Variants in SGCZ observed in about 807,000 individuals in gnomAD.
The protein encoded by SGCZ is zeta-sarcoglycan.
In SGCZ, 40 loss-of-function variants were observed where a neutral mutation model predicts 41.3. The observed-to-expected ratio is 0.97, with a 90% CI of 0.75 to 1.26. The LOEUF is 1.26. Ranked by LOEUF, SGCZ falls within the 50% of genes most tolerant of loss-of-function variation. The pLI is 0.00. For missense variants in SGCZ, 552 were observed against 369.8 expected, an observed-to-expected ratio of 1.49 and a Z score of -4.04; for synonymous variants, 206 against 137.5, an observed-to-expected ratio of 1.50 and a Z score of -3.49.
chr8:14,207,882 A>G (rs1185218621), intron 4 of SGCZ, among the ~76,000 whole-genome samples: 1 of 151,920 alleles, frequency 6.6e-6, no homozygotes. Context: ...ATCTGATCAT[A>G]TGGCTACTGG....
At chr8:14,525,798 A>G (rs1023096345) in intron 2 of SGCZ, among the ~76,000 whole-genome samples, 2 of 152,164 alleles carry the variant, frequency 1.3e-5, no homozygotes, top group Admixed American at 6.6e-5. Flanking sequence ...TGTAGGAGCT[A>G]GCCAGACAGG....
At chr8:14,240,394 G>A (rs536133080) in intron 3 of SGCZ, among the ~76,000 whole-genome samples, 6 of 143,810 alleles carry the variant, frequency 4.2e-5, no homozygotes, top group African/African-American at 1.0e-4. Flanking sequence ...CCGCATCTTT[G>A]TTTGCAACAT....
At chr8:14,838,879 C>A (rs11780862) in intron 1 of SGCZ, among the ~76,000 whole-genome samples, 326 of 151,986 alleles carry the variant, frequency 2.1e-3, no homozygotes, top group Non-Finnish European at 3.6e-3. Flanking sequence ...GTCAGCATAG[C>A]GGGAACAGGG....
At chr8:14,438,529 T>G (rs1800156158) in intron 2 of SGCZ, among the ~76,000 whole-genome samples, 1 of 151,980 alleles carries the variant, frequency 6.6e-6, no homozygotes, top group African/African-American at 2.4e-5. Flanking sequence ...TTGTACATGC[T>G]TGGAGAACCT....
chr8:14,878,198 CTTTTTTTT>C (rs540663370), intron 1 of SGCZ, among the ~76,000 whole-genome samples: 1 of 141,836 alleles, frequency 7.1e-6, no homozygotes, highest in South Asian at 2.2e-4. Context: ...TTCTTTTTTT[CTTTTTTTT>C]TTTTTCCATT....
chr8:14,834,868 G>A (rs899072384), intron 1 of SGCZ, among the ~76,000 whole-genome samples: 11 of 152,108 alleles, frequency 7.2e-5, no homozygotes, highest in African/African-American at 2.7e-4. Flanking sequence ...TCTCTCCCAG[G>A]ACCCTCACTT....
Position 14,768,330 on chromosome 8 carries a change from G to A in SGCZ, c.40-213404C>T, listed in dbSNP as rs1800110066. Among the ~76,000 whole-genome samples the A allele has an allele frequency of 1.3e-5, 2 of 152,166 alleles. 1 individual carries two copies. The highest frequency in any genetic ancestry group is 4.1e-4 in the South Asian group (2 of 4,828). The stretch of plus-strand genomic sequence containing the variant: ...TTATTTAGATACTTTATAAAGTGCA[G>A]TACTTCTTTTTGTACAACTGAGTTT... On this transcript the variant is annotated intron_variant, in intron 1 of 7. Coordinates refer to ENST00000382080, the MANE Select transcript of SGCZ (RefSeq NM_139167.4).
intron 1 of SGCZ, among the ~76,000 whole-genome samples, chr8:14,779,927 A>C (rs1800533788): frequency 6.6e-6 from 1 of 152,184 alleles, no homozygotes; most frequent in Non-Finnish European, 1.5e-5. Flanking sequence ...GATTAGAAAT[A>C]ATTAAATTAT....
At chr8:14,836,524 G>T (rs1006931155) in intron 1 of SGCZ, among the ~76,000 whole-genome samples, 3 of 151,958 alleles carry the variant, frequency 2.0e-5, no homozygotes, top group Non-Finnish European at 4.4e-5. Flanking sequence ...TTTGAGACGG[G>T]GTCTCACTCT....
chr8:14,240,935 T>G (rs969606111), intron 3 of SGCZ, among the ~76,000 whole-genome samples: 2 of 152,182 alleles, frequency 1.3e-5, no homozygotes, highest in African/African-American at 4.8e-5. Flanking sequence ...TTAAGGGAGA[T>G]ACAATCCTAA....
intron 1 of SGCZ, among the ~76,000 whole-genome samples, chr8:15,146,695 C>A (rs1799045572): frequency 6.6e-6 from 1 of 152,112 alleles, no homozygotes; most frequent in Non-Finnish European, 1.5e-5. Flanking sequence ...ATGGTAACAT[C>A]ACTCATTTTC....
rs116658677 is a variant in SGCZ, at chr8:14,731,561, G to A, written c.40-176635C>T. Among the ~76,000 whole-genome samples the A allele has an allele frequency of 4.2e-3, 646 of 152,048 alleles. 5 individuals carry two copies. Among genetic ancestry groups the A allele is most frequent in the African/African-American group, 0.015 (616 of 41,510 alleles). On this transcript the variant is annotated intron_variant, in intron 1 of 7. Transcript: ENST00000382080. ...AAAATAATTTTTAAAAAAAGAATGC[G>A]TGCCTGTTTAATTCAACAATACTTG...
intron 1 of SGCZ, among the ~76,000 whole-genome samples, chr8:14,630,958 C>A (rs1806629344): frequency 6.6e-6 from 1 of 151,806 alleles, no homozygotes; most frequent in South Asian, 2.1e-4. Context: ...CAATATGGCA[C>A]ATGTATACAT....
rs7820695 is a variant in SGCZ, at chr8:14,218,848, A to G, written c.424+18744T>C. 3.5e-3 allele frequency among the ~76,000 whole-genome samples: 526 copies of G among 152,302 alleles called. 4 individuals are homozygous for G. The highest frequency in any genetic ancestry group is 8.2e-3 in the African/African-American group (341 of 41,574). On this transcript the variant is annotated intron_variant, in intron 4 of 7. Transcript: ENST00000382080. ...TGGTCCAAGAAGTTTTGCCAAAGCA[A>G]TGAGAACCTTGGCGATGAGGACTTT...
chr8:14,684,076 C>T (rs896093875), intron 1 of SGCZ, among the ~76,000 whole-genome samples: 1 of 152,036 alleles, frequency 6.6e-6, no homozygotes, highest in Non-Finnish European at 1.5e-5. Flanking sequence ...ACCCAACATG[C>T]CATTTTTAAA....
At chr8:14,322,513 A>G (rs111708023) in intron 3 of SGCZ, among the ~76,000 whole-genome samples, 3 of 152,014 alleles carry the variant, frequency 2.0e-5, no homozygotes, top group African/African-American at 7.2e-5. Flanking sequence ...AGAGAATCCT[A>G]ATTTGACACC....
Position 14,847,089 on chromosome 8 carries a change from GAAGAAGA to G in SGCZ, c.40-292170_40-292164del, listed in dbSNP as rs1211718552. On this transcript the variant is annotated intron_variant, in intron 1 of 7. Coordinates refer to ENST00000382080, the MANE Select transcript of SGCZ (RefSeq NM_139167.4). ...TTCATCTCTACAAGACAAAATAGAA[GAAGAAGA>G]AAGAAGAAAGAAGAAAGAAGAAGAA... is the stretch of plus-strand genomic sequence containing the variant. 7.1e-4 allele frequency among the ~76,000 whole-genome samples: 99 copies of G among 139,418 alleles called. 2 individuals are homozygous for G. Among genetic ancestry groups the G allele is most frequent in the Admixed American group, 9.6e-4 (13 of 13,498 alleles). 91.5% of individuals were successfully genotyped at this position (139,418 alleles called of 152,430 possible).
chr8:14,865,217 C>G (rs1429183606), intron 1 of SGCZ, among the ~76,000 whole-genome samples: 1 of 152,066 alleles, frequency 6.6e-6, no homozygotes, highest in Non-Finnish European at 1.5e-5. Context: ...CCTCCTGCAT[C>G]TCCTCTCAAC....
Position 15,058,392 on chromosome 8 carries a change from G to A in SGCZ, c.39+179193C>T, listed in dbSNP as rs768747818. 5.9e-4 allele frequency among the ~76,000 whole-genome samples: 89 copies of A among 152,122 alleles called. 2 individuals carry two copies. Among genetic ancestry groups the A allele is most frequent in the Non-Finnish European group, 1.8e-4 (12 of 68,020 alleles). On this transcript the variant is annotated intron_variant, in intron 1 of 7. Coordinates refer to ENST00000382080, the MANE Select transcript of SGCZ (RefSeq NM_139167.4). ...ACATTTAAAGTTTCTGCTTTGATGG[G>A]ATGGGTGTCACCATCTTTTGTCGGT...
Sources: allele counts gnomAD v4.1 joint callset (sites outside exome capture counted in the v4.1 genomes callset), GRCh38; gene constraint gnomAD v4.1.1; transcripts MANE v1.5; gene names NCBI Gene and HGNC (gene_info 2026-07-23, HGNC 2026-07-21).